The following PCSK6 variants were observed in gnomAD, a reference collection of about 807,000 sequenced individuals.
The protein encoded by PCSK6 is paired basic amino acid cleaving enzyme 4.
A neutral mutation model predicts 123.3 loss-of-function variants in PCSK6; 85 were observed. That is an observed-to-expected ratio of 0.69 (90% CI 0.58 to 0.83). PCSK6 has a LOEUF of 0.83. Among genes scored for constraint, PCSK6 ranks in the 40% least tolerant of loss-of-function variants. PCSK6 has a pLI of 0.00. For missense variants in PCSK6, 1,191 were observed against 1,282.3 expected, an observed-to-expected ratio of 0.93 and a Z score of 1.09; for synonymous variants, 508 against 516.0, an observed-to-expected ratio of 0.98 and a Z score of 0.21.
intron 17 of PCSK6, among the ~76,000 whole-genome samples, chr15:101,323,326 G>T (rs1158823027): frequency 6.6e-6 from 1 of 152,234 alleles, no homozygotes; most frequent in Non-Finnish European, 1.5e-5. Flanking sequence ...CCTTGGGAAG[G>T]GGGTGGGGAT....
At chr15:101,410,571 G>T (rs1248979148) in intron 6 of PCSK6, among the ~76,000 whole-genome samples, 1 of 152,146 alleles carries the variant, frequency 6.6e-6, no homozygotes, top group Non-Finnish European at 1.5e-5. Context: ...GGAGGAAGAG[G>T]CGAGGCCAAA....
At chr15:101,453,542 TCTC>T (rs1176521400) in intron 1 of PCSK6, among the ~76,000 whole-genome samples, 1 of 152,006 alleles carries the variant, frequency 6.6e-6, no homozygotes, top group African/African-American at 2.4e-5. Context: ...AACTGCGAGA[TCTC>T]CTGAACTCTT....
At chr15:101,355,691 G>A (rs921421906) in intron 13 of PCSK6, among the ~76,000 whole-genome samples, 5 of 152,256 alleles carry the variant, frequency 3.3e-5, no homozygotes, top group African/African-American at 9.6e-5. Flanking sequence ...AGCCAAGCTC[G>A]ATTCCTGCAG....
chr15:101,450,948 G>A (rs1426240223), intron 1 of PCSK6, among the ~76,000 whole-genome samples: 1 of 151,714 alleles, frequency 6.6e-6, no homozygotes, highest in Non-Finnish European at 1.5e-5. Flanking sequence ...TTCATGGCAC[G>A]CACCAGCCAT....
rs1427558152 is a variant in PCSK6 at position 101,427,951 on chromosome 15, G to A, written c.764C>T (p.Ala255Val). The A allele has an allele frequency of 1.3e-6, 2 of 1,586,526 alleles. No homozygotes were observed. Among genetic ancestry groups the A allele is most frequent in the Non-Finnish European group, 1.7e-6 (2 of 1,166,054 alleles). ...KHGTRCAGEV[A>V]ASANNSYCIV... ...GCAGTAGGAATTGTTTGCTGAAGCA[G>A]CAACTTCTCCCGCACAACGAGTGCC... Residue 255 changes from alanine (A) to valine (V), a missense_variant, in exon 6 of 22, where the codon GCT (alanine) becomes GTT (valine). Ala to Val is a moderately conservative substitution (Grantham distance 64). Transcript: ENST00000611716.
At chr15:101,317,414 C>A (rs2040015917) in intron 19 of PCSK6, among the ~76,000 whole-genome samples, 1 of 152,212 alleles carries the variant, frequency 6.6e-6, no homozygotes, top group Non-Finnish European at 1.5e-5. Context: ...TGAATGAATT[C>A]TCTGCTATTC....
At chr15:101,396,342 G>C (rs2042412061) in intron 7 of PCSK6, among the ~76,000 whole-genome samples, 1 of 152,072 alleles carries the variant, frequency 6.6e-6, no homozygotes, top group Non-Finnish European at 1.5e-5. Flanking sequence ...CAGTGAACCA[G>C]AGAGCCCGAA....
chr15:101,309,922 A>T (rs1009418802), intron 20 of PCSK6, among the ~76,000 whole-genome samples: 2 of 152,086 alleles, frequency 1.3e-5, no homozygotes, highest in African/African-American at 4.8e-5. Context: ...CATTGTTCTC[A>T]GCGTCGGGCC....
At chr15:101,327,894 A>G (rs962256057) in intron 15 of PCSK6, among the ~76,000 whole-genome samples, 1 of 152,130 alleles carries the variant, frequency 6.6e-6, no homozygotes, top group South Asian at 2.1e-4. Context: ...AGGACACTCT[A>G]GATGCTGTTC....
At chr15:101,443,682 G>T in intron 1 of PCSK6, 22 bp from the exon 2 acceptor site, 1 of 1,552,074 alleles carries the variant, frequency 6.4e-7, no homozygotes, top group Non-Finnish European at 8.9e-7. Context: ...GAAGCAGAAT[G>T]CCATCAATTA....
intron 13 of PCSK6, among the ~76,000 whole-genome samples, chr15:101,349,305 G>A (rs2040830866): frequency 6.6e-6 from 1 of 152,218 alleles, no homozygotes; most frequent in African/African-American, 2.4e-5. Flanking sequence ...GAAAAGTGTT[G>A]CTTAAGAAGA....
intron 6 of PCSK6, among the ~76,000 whole-genome samples, chr15:101,416,259 CAA>C (rs1194818777): frequency 6.6e-6 from 1 of 152,190 alleles, no homozygotes; most frequent in African/African-American, 2.4e-5. Context: ...TATGTTTTAG[CAA>C]AGAGACTGGC....
chr15:101,397,915 G>A (rs887734562), intron 7 of PCSK6, among the ~76,000 whole-genome samples: 1 of 152,242 alleles, frequency 6.6e-6, no homozygotes, highest in African/African-American at 2.4e-5. Flanking sequence ...AGTGGGCTGG[G>A]CTGTGCGCTG....
intron 6 of PCSK6, among the ~76,000 whole-genome samples, chr15:101,420,830 A>G (rs2056060826): frequency 6.6e-6 from 1 of 152,262 alleles, no homozygotes; most frequent in African/African-American, 2.4e-5. Context: ...TCTGGAAACA[A>G]TGAAGATGGC....
chr15:101,415,223 C>T (rs1197933792), intron 6 of PCSK6, among the ~76,000 whole-genome samples: 3 of 152,240 alleles, frequency 2.0e-5, no homozygotes, highest in Non-Finnish European at 4.4e-5. Context: ...TCCAGAACTT[C>T]TGAATGAACT....
intron 6 of PCSK6, among the ~76,000 whole-genome samples, chr15:101,413,220 T>C (rs528469019): frequency 6.6e-6 from 1 of 152,320 alleles, no homozygotes; most frequent in East Asian, 1.9e-4. Context: ...AATGAATGTA[T>C]GTTTAATATG....
intron 20 of PCSK6, 64 bp downstream of exon 20, chr15:101,313,312 C>G: frequency 6.2e-7 from 1 of 1,611,726 alleles, no homozygotes; most frequent in East Asian, 2.2e-5. Flanking sequence ...CTGCCAGACT[C>G]TGCCCTCCAG....
At chr15:101,476,701 T>C (rs1186198104) in intron 1 of PCSK6, among the ~76,000 whole-genome samples, 3 of 152,028 alleles carry the variant, frequency 2.0e-5, no homozygotes, top group African/African-American at 7.2e-5. Flanking sequence ...AGGGATCGGA[T>C]GAGGGGAGGA....
intron 1 of PCSK6, among the ~76,000 whole-genome samples, chr15:101,475,765 A>G (rs2057716050): frequency 6.6e-6 from 1 of 151,274 alleles, no homozygotes; most frequent in South Asian, 2.1e-4. Flanking sequence ...TGCTGGGACT[A>G]CAAGTGTGAG....
Sources: allele counts gnomAD v4.1 joint callset (sites outside exome capture counted in the v4.1 genomes callset), GRCh38; gene constraint gnomAD v4.1.1; transcripts MANE v1.5; gene names NCBI Gene and HGNC (gene_info 2026-07-23, HGNC 2026-07-21).